SCAP: variants seen among roughly 807,000 people sequenced by gnomAD.
SCAP encodes SREBF chaperone, also known as sterol regulatory element-binding protein cleavage-activating protein.
Under a neutral mutation model 123.6 loss-of-function variants are expected in SCAP, and 65 were observed. That is an observed-to-expected ratio of 0.53 (90% CI 0.43 to 0.65). SCAP has a LOEUF of 0.65. SCAP is among the 30% of genes least tolerant of loss of function. The probability of loss-of-function intolerance (pLI) is 0.00; values close to 1 mark genes in which losing one functional copy is unlikely to be tolerated. For synonymous variants in SCAP, 740 were observed against 726.3 expected (o/e 1.02, Z -0.30); for missense variants, 1,398 against 1,712.5 (o/e 0.82, Z 3.24).
chr3:47,473,086 A>AAAAC (rs1553652442), intron 1 of SCAP, among the ~76,000 whole-genome samples: 1 of 143,964 alleles, frequency 6.9e-6, no homozygotes, highest in Non-Finnish European at 1.5e-5. Flanking sequence ...ATCTCAAAAA[A>AAAAC]AAAAAAAAAA....
rs1267614428 is a variant in SCAP at position 47,420,787 on chromosome 3, G to C, written c.1345-15C>G. On this transcript the variant is annotated splice_polypyrimidine_tract_variant and intron_variant, in intron 11 of 22. Coordinates refer to ENST00000265565, the MANE Select transcript of SCAP (RefSeq NM_012235.4). This position sits in a 1 kb window ranked among gnomAD's most constrained non-coding sequence, Gnocchi z 5.0. ...AGGTCTGCTAGCTGTTGGGGGCACA[G>C]TGGTCAGGGCCTGAGTCCACCATCC... 2 of 1,609,534 alleles carry C rather than the reference G, an allele frequency of 1.2e-6. No individual in the cohort carries two copies. Among genetic ancestry groups the C allele is most frequent in the East Asian group, 2.2e-5 (1 of 44,848 alleles).
At chr3:47,444,121 C>G (rs1006495725) in intron 1 of SCAP, among the ~76,000 whole-genome samples, 4 of 152,120 alleles carry the variant, frequency 2.6e-5, no homozygotes, top group African/African-American at 7.2e-5. Context: ...AAACAAATAA[C>G]ATTAAACCAA....
At chr3:47,447,616 A>G (rs1005492742) in intron 1 of SCAP, among the ~76,000 whole-genome samples, 7 of 151,282 alleles carry the variant, frequency 4.6e-5, no homozygotes, top group Non-Finnish European at 1.5e-5. Flanking sequence ...TAAACCCGGG[A>G]GGCGGAGGCC....
At chr3:47,416,657 C>A (rs1317411597) in intron 18 of SCAP, among the ~76,000 whole-genome samples, 1 of 127,020 alleles carries the variant, frequency 7.9e-6, no homozygotes. Context: ...GACGGAGTCT[C>A]GCTCTGTCGC....
chr3:47,467,127 C>T (rs1707856513), intron 1 of SCAP, among the ~76,000 whole-genome samples: 1 of 151,166 alleles, frequency 6.6e-6, no homozygotes, highest in Non-Finnish European at 1.5e-5. Flanking sequence ...AAAAATTGTG[C>T]AAATCACACA....
At chr3:47,475,167 C>T (rs543103159) in intron 1 of SCAP, among the ~76,000 whole-genome samples, 4 of 152,074 alleles carry the variant, frequency 2.6e-5, no homozygotes, top group African/African-American at 7.2e-5. Flanking sequence ...CACTGCCCCC[C>T]CCTCCGCATT....
At chr3:47,414,145 A>T (rs531968147) in intron 22 of SCAP, 35 bp downstream of exon 22, 17 of 1,613,394 alleles carry the variant, frequency 1.1e-5, no homozygotes, top group Non-Finnish European at 1.4e-5. Flanking sequence ...CCTTCCCTAA[A>T]ATCCCAAGAA....
chr3:47,437,120 T>G (rs1381641184), intron 2 of SCAP, among the ~76,000 whole-genome samples: 1 of 152,150 alleles, frequency 6.6e-6, no homozygotes. Flanking sequence ...TGAGGAACAT[T>G]TGGCTGTTTC....
chr3:47,441,863 T>C (rs890927715), intron 2 of SCAP, among the ~76,000 whole-genome samples: 1 of 150,034 alleles, frequency 6.7e-6, no homozygotes, highest in Non-Finnish European at 1.5e-5. Flanking sequence ...CTCTCAGTGA[T>C]GTTCATCTTT....
At chr3:47,446,785 AC>A (rs1402856324) in intron 1 of SCAP, among the ~76,000 whole-genome samples, 9 of 151,830 alleles carry the variant, frequency 5.9e-5, no homozygotes, top group Non-Finnish European at 1.2e-4. Context: ...AAAAAAAAAA[AC>A]ATTAACAATT....
At chr3:47,460,396 G>T (rs1012287963) in intron 1 of SCAP, among the ~76,000 whole-genome samples, 4 of 152,186 alleles carry the variant, frequency 2.6e-5, no homozygotes, top group Admixed American at 6.5e-5. Flanking sequence ...AAAGACAGGT[G>T]TAAGAAATTA....
intron 7 of SCAP, 85 bp downstream of exon 7, chr3:47,425,912 C>G (rs1034704047): frequency 8.1e-6 from 12 of 1,473,684 alleles, no homozygotes; most frequent in Non-Finnish European, 1.1e-5. Context: ...CTACCCCAAG[C>G]CACCTCCAGA....
chr3:47,472,385 G>C (rs891100589), intron 1 of SCAP, among the ~76,000 whole-genome samples: 1 of 150,048 alleles, frequency 6.7e-6, no homozygotes, highest in Non-Finnish European at 1.5e-5. Context: ...AGTGAGCCGA[G>C]ATTGCGCCAC....
Position 47,450,314 on chromosome 3 carries a change from C to G in SCAP, c.-98-7223G>C, listed in dbSNP as rs553492982. On this transcript the variant is annotated intron_variant, in intron 1 of 22. Transcript: ENST00000265565. ...CTCCTGGCCCTAAGGAAACTTTTCA[C>G]ACTACGCCTACTGGCATTTTTCTGT... Among the ~76,000 whole-genome samples, 52 of 125,514 alleles carry G rather than the reference C, an allele frequency of 4.1e-4. 12 individuals carry two copies. Among genetic ancestry groups the G allele is most frequent in the African/African-American group, 1.4e-3 (51 of 36,876 alleles). 82.3% of individuals were successfully genotyped at this position (125,514 alleles called of 152,430 possible).
In SCAP at chr3:47,417,211, C is replaced by T. The variant is rs754994272; in HGVS notation, c.2971-4G>A. On this transcript the variant is annotated splice_region_variant and splice_polypyrimidine_tract_variant and intron_variant, in intron 17 of 22. Transcript: ENST00000265565. ...CCCCTTCAATGGCGTCCCACACCTA[C>T]GAGTCCAGAGGCTGTGAGCACCTGC... is the stretch of plus-strand genomic sequence containing the variant. 6.8e-6 allele frequency: 11 copies of T among 1,612,932 alleles called. No homozygotes were observed. The highest frequency in any genetic ancestry group is 4.5e-5 in the East Asian group (2 of 44,882).
intron 8 of SCAP, chr3:47,425,172 A>C: frequency 3.6e-6 from 1 of 281,390 alleles, no homozygotes; most frequent in Non-Finnish European, 6.7e-6. Flanking sequence ...CACAAATCCG[A>C]CTACACACAT....
intron 2 of SCAP, among the ~76,000 whole-genome samples, chr3:47,436,954 T>C (rs1334554272): frequency 6.6e-6 from 1 of 152,232 alleles, no homozygotes. Flanking sequence ...AATGAAACCA[T>C]TCATTCTACT....
At chr3:47,465,841 C>CAA (rs79594451) in intron 1 of SCAP, among the ~76,000 whole-genome samples, 103 of 146,350 alleles carry the variant, frequency 7.0e-4, no homozygotes, top group Non-Finnish European at 7.0e-4. Flanking sequence ...TTTAAAAAAA[C>CAA]AAAAAAAAAA....
intron 3 of SCAP, among the ~76,000 whole-genome samples, chr3:47,429,892 C>T (rs143968318): frequency 1.3e-5 from 2 of 152,210 alleles, no homozygotes; most frequent in African/African-American, 2.4e-5. Context: ...AAGCATGTAA[C>T]CTGTCTTACT....
Sources: allele counts gnomAD v4.1 joint callset (sites outside exome capture counted in the v4.1 genomes callset), GRCh38; gene constraint gnomAD v4.1.1; non-coding constraint Gnocchi (gnomAD v3.1); transcripts MANE v1.5; gene names NCBI Gene and HGNC (gene_info 2026-07-23, HGNC 2026-07-21).